PTP4A3: variants seen among roughly 807,000 people sequenced by gnomAD.
PTP4A3 encodes the protein protein tyrosine phosphatase 4A3, also known as protein tyrosine phosphatase type IVA 3.
A neutral mutation model predicts 15.2 loss-of-function variants in PTP4A3; 9 were observed. The ratio of observed to expected loss-of-function variants is 0.59; its 90% CI spans 0.36 to 1.03. PTP4A3 has a LOEUF of 1.03. PTP4A3 is among the 50% of genes least tolerant of loss of function. The pLI, the probability that PTP4A3 is intolerant of heterozygous loss-of-function variation, is 0.02. For synonymous variants in PTP4A3, 95 were observed against 102.0 expected, an observed-to-expected ratio of 0.93 and a Z score of 0.41; for missense variants, 234 against 252.1, an observed-to-expected ratio of 0.93 and a Z score of 0.49.
At position 141,397,659 on chromosome 8, in the gene PTP4A3, G is replaced by A. The variant is rs150356390; in HGVS notation, c.-854+5575G>A. On this transcript the variant is annotated intron_variant, in intron 1 of 5. Transcript: ENST00000521578. ...ATGAGAACCCTGCCTTGGGGCCTGA[G>A]TGCCTCGGTGGCTGTGGAGCCTGGT... Among the ~76,000 whole-genome samples, 69 of 152,360 alleles carry A rather than the reference G, an allele frequency of 4.5e-4. No individual in the cohort carries two copies. In the East Asian group the frequency reaches 0.012, roughly 27 times the overall value.
chr8:141,411,446 C>T (rs575935787), intron 1 of PTP4A3, among the ~76,000 whole-genome samples: 22 of 152,238 alleles, frequency 1.4e-4, no homozygotes, highest in Non-Finnish European at 2.8e-4. Flanking sequence ...GTAGCCCTAT[C>T]CCCCTGGGCC....
rs1013592422 is a variant in PTP4A3, at chr8:141,425,899, C to T, written c.198+759C>T. Among the ~76,000 whole-genome samples the T allele has an allele frequency of 1.3e-5, 2 of 152,216 alleles. No homozygotes were observed. The highest frequency in any genetic ancestry group is 2.9e-5 in the Non-Finnish European group (2 of 68,020). ...CCTTGGGCTGCGTCCCGCCTCTGCC[C>T]TCCCCAGCCTTGCGACCCTGCAGGT... On this transcript the variant is annotated intron_variant, in intron 3 of 5. Transcript: ENST00000521578. This position sits in a 1 kb window ranked among gnomAD's most constrained non-coding sequence, Gnocchi z 4.2.
intron 1 of PTP4A3, among the ~76,000 whole-genome samples, chr8:141,402,779 A>G (rs902437598): frequency 7.3e-6 from 1 of 137,084 alleles, no homozygotes; most frequent in Non-Finnish European, 1.5e-5. Flanking sequence ...GTGCCTACTC[A>G]TGATCGTCTT....
At chr8:141,430,847 C>G in intron 5 of PTP4A3, 80 bp from the exon 6 acceptor site, 1 of 1,410,990 alleles carries the variant, frequency 7.1e-7, no homozygotes, top group Non-Finnish European at 1.0e-6. Flanking sequence ...ACTGCACTCT[C>G]AGATTCCAGC....
chr8:141,398,412 A>G (rs1832504173), intron 1 of PTP4A3, among the ~76,000 whole-genome samples: 1 of 152,098 alleles, frequency 6.6e-6, no homozygotes, highest in African/African-American at 2.4e-5. Flanking sequence ...GCGTCTGGGA[A>G]CACCCCAGAC....
chr8:141,419,108 C>CAGAT (rs1054554357), intron 1 of PTP4A3, among the ~76,000 whole-genome samples: 4 of 152,140 alleles, frequency 2.6e-5, no homozygotes, highest in Admixed American at 2.6e-4. Context: ...CTGATTCCGG[C>CAGAT]AGATGTGTGG....
At position 141,393,387 on chromosome 8, in the gene PTP4A3, A is replaced by G. The variant is rs570575354; in HGVS notation, c.-854+1303A>G. Among the ~76,000 whole-genome samples the G allele has an allele frequency of 8.5e-5, 13 of 152,292 alleles. No homozygotes were observed. In the South Asian group the frequency reaches 1.7e-3, roughly 19 times the overall value. On this transcript the variant is annotated intron_variant, in intron 1 of 5. Coordinates refer to ENST00000521578, the MANE Select transcript of PTP4A3 (RefSeq NM_032611.3). ...GCCGGCCCCCCTCACTGTGGTTACGAAGGAGGAGAAGCTGCCCTGTGTAGG... is the reference window on the plus strand; with the variant it reads ...GCCGGCCCCCCTCACTGTGGTTACGGAGGAGGAGAAGCTGCCCTGTGTAGG...
chr8:141,406,098 G>C lies in PTP4A3; in HGVS notation c.-854+14014G>C, dbSNP rs1438847269. Among the ~76,000 whole-genome samples, 2 of 152,158 alleles carry C rather than the reference G, an allele frequency of 1.3e-5. No homozygotes were observed. The highest frequency in any genetic ancestry group is 1.3e-4 in the Admixed American group (2 of 15,278). ...GCGGAGGGGGCTATGATCTGACTTA[G>C]GTCGAGGACACTGGTGGGGGCAGTG... is the stretch of plus-strand genomic sequence containing the variant. On this transcript the variant is annotated intron_variant, in intron 1 of 5. Coordinates refer to ENST00000521578, the MANE Select transcript of PTP4A3 (RefSeq NM_032611.3). The surrounding 1 kb of genome is among the most constrained non-coding windows in gnomAD (Gnocchi z 4.5).
intron 1 of PTP4A3, among the ~76,000 whole-genome samples, chr8:141,405,080 G>A (rs1832689843): frequency 1.3e-5 from 2 of 152,218 alleles, no homozygotes; most frequent in Admixed American, 6.5e-5. Flanking sequence ...CTCCCTGTCT[G>A]CCGCCCACAG....
chr8:141,430,356 C>T (rs1442992957), intron 5 of PTP4A3, among the ~76,000 whole-genome samples: 1 of 146,158 alleles, frequency 6.8e-6, no homozygotes, highest in Admixed American at 6.8e-5. Flanking sequence ...CTGTAAGGAC[C>T]CGGTGGCGGG....
At chr8:141,413,263 A>C (rs1379215131) in intron 1 of PTP4A3, among the ~76,000 whole-genome samples, 1 of 152,060 alleles carries the variant, frequency 6.6e-6, no homozygotes, top group Admixed American at 6.5e-5. Flanking sequence ...GGGCGGGGAG[A>C]GGCTCCTTCT....
chr8:141,408,766 G>C (rs552457227), intron 1 of PTP4A3, among the ~76,000 whole-genome samples: 1 of 152,220 alleles, frequency 6.6e-6, no homozygotes, highest in Non-Finnish European at 1.5e-5. Flanking sequence ...TCGTTGCCCT[G>C]CCCCCGGGTT....
rs112320617 is a variant in PTP4A3, at chr8:141,401,936, C to T, written c.-854+9852C>T. Among the ~76,000 whole-genome samples the T allele has an allele frequency of 4.9e-3, 746 of 151,496 alleles. 8 individuals are homozygous for T. The highest frequency in any genetic ancestry group is 0.017 in the African/African-American group (688 of 40,752). On this transcript the variant is annotated intron_variant, in intron 1 of 5. Transcript: ENST00000521578. The stretch of plus-strand genomic sequence containing the variant: ...GAAGCTCACAGTCTCAAGGCATGGA[C>T]GAGGCCACTCCAGCTTCAGCCCAGG...
Position 141,431,274 on chromosome 8 carries a change from G to A in PTP4A3, c.*230G>A. ...TCTCCTGTCTCCGCCACTCCCTCTG[G>A]CGGCGCTGGCCGTGGCTCTGTCTCT... is the stretch of plus-strand genomic sequence containing the variant. On this transcript the variant is annotated 3_prime_UTR_variant, in exon 6 of 6. Coordinates refer to ENST00000521578, the MANE Select transcript of PTP4A3 (RefSeq NM_032611.3). 1.8e-6 allele frequency: 1 copy of A among 568,374 alleles called. No individual in the cohort carries two copies. The highest frequency in any genetic ancestry group is 3.1e-6 in the Non-Finnish European group (1 of 321,334). The allele number at this position is 568,374 out of a possible 1,614,324, so 35.2% of individuals were successfully genotyped here. A position where few individuals can be genotyped will look rare whatever the true frequency, so the allele number is the denominator to read the frequency against.
At chr8:141,427,217 T>G (rs927054972) in intron 4 of PTP4A3, 148 bp downstream of exon 4, 23 of 1,191,118 alleles carry the variant, frequency 1.9e-5, no homozygotes, top group East Asian at 1.6e-4. Flanking sequence ...GCTCCCAGAC[T>G]GGTCCTCTCC....
chr8:141,400,553 A>T (rs560647490), intron 1 of PTP4A3, among the ~76,000 whole-genome samples: 2 of 152,270 alleles, frequency 1.3e-5, no homozygotes, highest in African/African-American at 2.4e-5. Context: ...TTTATTAACC[A>T]GCCATCCCCC....
At chr8:141,404,119 G>T (rs1321048137) in intron 1 of PTP4A3, among the ~76,000 whole-genome samples, 1 of 152,278 alleles carries the variant, frequency 6.6e-6, no homozygotes, top group African/African-American at 2.4e-5. Flanking sequence ...ACTGGGGTAT[G>T]GGGGAGCCGG....
Position 141,401,135 on chromosome 8 carries a change from G to A in PTP4A3, c.-854+9051G>A, listed in dbSNP as rs548546188. 5.9e-5 allele frequency among the ~76,000 whole-genome samples: 9 copies of A among 152,270 alleles called. No homozygotes were observed. The East Asian group carries it at 1.7e-3, about 29-fold the overall frequency. Reference sequence around the variant, plus strand: ...CCCAGGGCACATCCTTAAACCTCAGGGTCCCCTGGTGGCAGCTGCCATGGT... The same window carrying A: ...CCCAGGGCACATCCTTAAACCTCAGAGTCCCCTGGTGGCAGCTGCCATGGT... On this transcript the variant is annotated intron_variant, in intron 1 of 5. Coordinates refer to ENST00000521578, the MANE Select transcript of PTP4A3 (RefSeq NM_032611.3).
At chr8:141,428,679 G>A (rs1276497549) in intron 5 of PTP4A3, among the ~76,000 whole-genome samples, 2 of 152,194 alleles carry the variant, frequency 1.3e-5, no homozygotes, top group Non-Finnish European at 2.9e-5. Context: ...AGCGTGGCCT[G>A]CAGGTGCTCA....
Sources: allele counts gnomAD v4.1 joint callset (sites outside exome capture counted in the v4.1 genomes callset), GRCh38; gene constraint gnomAD v4.1.1; non-coding constraint Gnocchi (gnomAD v3.1); transcripts MANE v1.5; gene names NCBI Gene and HGNC (gene_info 2026-07-23, HGNC 2026-07-21).